CA10: variants seen among roughly 807,000 people sequenced by gnomAD.
The protein encoded by CA10 is carbonic anhydrase-related protein 10.
A neutral mutation model predicts 44.2 loss-of-function variants in CA10; 14 were observed. The observed-to-expected ratio is 0.32, with a 90% CI of 0.21 to 0.50. The LOEUF (loss-of-function observed/expected upper bound fraction) is 0.50. Among genes scored for constraint, CA10 ranks in the 20% least tolerant of loss-of-function variants. The probability of loss-of-function intolerance (pLI) is 0.99; values close to 1 mark genes in which losing one functional copy is unlikely to be tolerated. For missense variants in CA10, 350 were observed against 409.7 expected (o/e 0.85, Z 1.26); for synonymous variants, 159 against 141.6 (o/e 1.12, Z -0.87).
intron 3 of CA10, among the ~76,000 whole-genome samples, chr17:51,781,787 A>T (rs932766040): frequency 5.3e-5 from 8 of 152,226 alleles, no homozygotes; most frequent in African/African-American, 1.9e-4. Context: ...CATGACATGT[A>T]ACAGTTTTTG....
At chr17:52,083,416 A>C (rs543083937) in intron 1 of CA10, among the ~76,000 whole-genome samples, 1 of 152,308 alleles carries the variant, frequency 6.6e-6, no homozygotes, top group African/African-American at 2.4e-5. Context: ...CTTTTTAAAA[A>C]ATGTTTATTT....
At chr17:51,988,770 T>C (rs1984934480) in intron 2 of CA10, among the ~76,000 whole-genome samples, 1 of 151,976 alleles carries the variant, frequency 6.6e-6, no homozygotes, top group African/African-American at 2.4e-5. Context: ...TCAATAGAGA[T>C]ACAATAGGAG....
At chr17:51,853,988 A>C (rs1978923669) in intron 3 of CA10, among the ~76,000 whole-genome samples, 1 of 152,144 alleles carries the variant, frequency 6.6e-6, no homozygotes, top group Non-Finnish European at 1.5e-5. Flanking sequence ...AAACGAATGA[A>C]TACATCTGGC....
chr17:51,696,985 G>T (rs1915424416), intron 4 of CA10, among the ~76,000 whole-genome samples: 1 of 151,920 alleles, frequency 6.6e-6, no homozygotes, highest in Admixed American at 6.6e-5. Context: ...TATGTGTTTT[G>T]GCTTTGGGAA....
chr17:51,808,716 C>G (rs989587208), intron 3 of CA10, among the ~76,000 whole-genome samples: 1 of 152,096 alleles, frequency 6.6e-6, no homozygotes, highest in East Asian at 1.9e-4. Flanking sequence ...GTGGAAAAAG[C>G]GAGCAAAATT....
chr17:51,717,606 C>A, intron 4 of CA10, among the ~76,000 whole-genome samples: 1 of 116,234 alleles, frequency 8.6e-6, no homozygotes, highest in South Asian at 2.7e-4. Context: ...TATATATATA[C>A]ATGTATACAT....
chr17:52,028,559 T>C (rs994472635), intron 2 of CA10, among the ~76,000 whole-genome samples: 4 of 152,180 alleles, frequency 2.6e-5, no homozygotes, highest in African/African-American at 9.7e-5. Flanking sequence ...ATTTGAGATT[T>C]TGGCTGTGGA....
chr17:52,114,159 T>G (rs1410550309), intron 1 of CA10, among the ~76,000 whole-genome samples: 1 of 152,228 alleles, frequency 6.6e-6, no homozygotes, highest in Admixed American at 6.5e-5. Flanking sequence ...CTTTATCATA[T>G]TCACCAATTC....
At chr17:52,047,474 C>G (rs781284496) in intron 2 of CA10, among the ~76,000 whole-genome samples, 3 of 151,920 alleles carry the variant, frequency 2.0e-5, no homozygotes, top group Non-Finnish European at 4.4e-5. Context: ...ATTTAAAAGA[C>G]TATAAGGTTT....
At chr17:51,839,730 C>A (rs1395670766) in intron 3 of CA10, among the ~76,000 whole-genome samples, 5 of 151,966 alleles carry the variant, frequency 3.3e-5, no homozygotes, top group Admixed American at 1.3e-4. Flanking sequence ...TAAAATAAAC[C>A]AAAATCCTAA....
At position 51,903,358 on chromosome 17, in the gene CA10, G is replaced by A. The variant is rs567351054; in HGVS notation, c.279+27632C>T. On this transcript the variant is annotated intron_variant, in intron 3 of 8. Transcript: ENST00000451037. ...CTTATATCCTTTATTGTAATAATCT[G>A]ATAGGCTATTTCTTACCACACTGCC... 4.6e-5 allele frequency among the ~76,000 whole-genome samples: 7 copies of A among 152,222 alleles called. No homozygotes were observed. The South Asian group carries it at 1.5e-3, about 32-fold the overall frequency.
intron 3 of CA10, among the ~76,000 whole-genome samples, chr17:51,870,354 G>A (rs1464465086): frequency 1.3e-5 from 2 of 152,190 alleles, no homozygotes; most frequent in Non-Finnish European, 2.9e-5. Flanking sequence ...CTGAGGGCAG[G>A]ATCACACTCT....
chr17:52,141,973 C>T (rs1254681765), intron 1 of CA10, among the ~76,000 whole-genome samples: 1 of 152,126 alleles, frequency 6.6e-6, no homozygotes, highest in Non-Finnish European at 1.5e-5. Flanking sequence ...ACAAGAAGAG[C>T]CGATGGGGCA....
intron 4 of CA10, among the ~76,000 whole-genome samples, chr17:51,713,486 C>T (rs1047380908): frequency 1.3e-5 from 2 of 152,112 alleles, no homozygotes; most frequent in East Asian, 3.9e-4. Flanking sequence ...TGAAAAAATA[C>T]AAATTTTGGT....
At chr17:51,937,070 G>A (rs1982895577) in intron 2 of CA10, among the ~76,000 whole-genome samples, 1 of 152,092 alleles carries the variant, frequency 6.6e-6, no homozygotes, top group Admixed American at 6.5e-5. Context: ...TCGTTTTCAA[G>A]CAATAAACTA....
At chr17:51,868,296 CCTT>C (rs1364391553) in intron 3 of CA10, among the ~76,000 whole-genome samples, 2 of 152,062 alleles carry the variant, frequency 1.3e-5, no homozygotes, top group African/African-American at 4.8e-5. Flanking sequence ...CTATTCCGCT[CCTT>C]CTCATAATGC....
chr17:52,063,768 T>C (rs991365102), intron 2 of CA10, among the ~76,000 whole-genome samples: 5 of 152,146 alleles, frequency 3.3e-5, no homozygotes, highest in African/African-American at 1.2e-4. Flanking sequence ...ATGAGCCAAA[T>C]GAATCTCTTT....
intron 4 of CA10, among the ~76,000 whole-genome samples, chr17:51,723,436 GGTAA>G (rs1431582255): frequency 1.3e-5 from 2 of 152,154 alleles, no homozygotes; most frequent in African/African-American, 4.8e-5. Flanking sequence ...GTGAACACTT[GGTAA>G]GTGCTACTGG....
chr17:51,710,399 C>G (rs1915897313), intron 4 of CA10, among the ~76,000 whole-genome samples: 1 of 152,122 alleles, frequency 6.6e-6, no homozygotes, highest in African/African-American at 2.4e-5. Flanking sequence ...TTGACAGGGA[C>G]TCCCCTCTTG....
Sources: gnomAD v4.1 joint callset for allele counts (sites outside exome capture counted in the v4.1 genomes callset) on GRCh38, gnomAD v4.1.1 for gene constraint, MANE v1.5 for transcripts, NCBI Gene and HGNC (gene_info 2026-07-23, HGNC 2026-07-21) for gene names.